Variants in MAPK6 observed in about 807,000 individuals in gnomAD.
MAPK6 encodes ERK-3.
Under a neutral mutation model 59.3 loss-of-function variants are expected in MAPK6, and 19 were observed. That is an observed-to-expected ratio of 0.32 (90% CI 0.22 to 0.47). The LOEUF (loss-of-function observed/expected upper bound fraction) is 0.47. MAPK6 is among the 20% of genes least tolerant of loss of function. The pLI is 1.00. For missense variants in MAPK6, 724 were observed against 847.9 expected (o/e 0.85, Z 1.81); for synonymous variants, 316 against 290.3 (o/e 1.09, Z -0.90).
chr15:52,016,465 A>G (rs1007400368), upstream of MAPK6, among the ~76,000 whole-genome samples: 1 of 152,188 alleles, frequency 6.6e-6, no homozygotes, highest in African/African-American at 2.4e-5. Flanking sequence ...ACTATCTGCA[A>G]TAAATATAAC....
Position 52,061,419 on chromosome 15 carries a change from G to T in MAPK6, c.986G>T (p.Ser329Ile), listed in dbSNP as rs771752371. The T allele has an allele frequency of 1.2e-6, 2 of 1,613,858 alleles. No homozygotes were observed. The highest frequency in any genetic ancestry group is 1.7e-5 in the Admixed American group (1 of 60,014). Residue 329 changes from serine (S) to isoleucine (I), a missense_variant, in exon 5 of 6, where the codon AGC becomes ATC. Ser to Ile is a moderately radical substitution (Grantham distance 142, BLOSUM62 -2). Transcript: ENST00000261845. ...TTTCCAATGGATGAGCCAATTTCAAGCCATCCTTTTCATATTGAAGATGAA... is the reference window on the plus strand; with the variant it reads ...TTTCCAATGGATGAGCCAATTTCAATCCATCCTTTTCATATTGAAGATGAA... ...YSFPMDEPIS[S>I]HPFHIEDEVD... is the part of the protein sequence containing the mutation.
intron 2 of MAPK6, among the ~76,000 whole-genome samples, chr15:52,000,073 G>A (rs937134137): frequency 6.6e-6 from 1 of 152,054 alleles, no homozygotes; most frequent in African/African-American, 2.4e-5. Context: ...CTGTAGCTGA[G>A]ACCACAAGGG....
intron 2 of MAPK6, among the ~76,000 whole-genome samples, chr15:51,990,985 G>A (rs1045308563): frequency 3.3e-5 from 5 of 151,524 alleles, no homozygotes; most frequent in South Asian, 2.1e-4. Context: ...AAAATTAGTC[G>A]GGTGTGAGGG....
intron 1 of MAPK6, among the ~76,000 whole-genome samples, chr15:52,042,451 G>A (rs1005153539): frequency 2.0e-5 from 3 of 152,124 alleles, no homozygotes; most frequent in South Asian, 2.1e-4. Context: ...CTCTTACCTC[G>A]TTAAGTGCTG....
At chr15:51,976,253 G>C (rs1223010460) in intron 1 of MAPK6, among the ~76,000 whole-genome samples, 1 of 137,068 alleles carries the variant, frequency 7.3e-6, no homozygotes, top group African/African-American at 2.7e-5. Context: ...GTGACAAAGC[G>C]AGACTCCCAT....
intron 1 of MAPK6, among the ~76,000 whole-genome samples, chr15:52,030,915 C>T (rs998817963): frequency 6.6e-6 from 1 of 151,884 alleles, no homozygotes; most frequent in Non-Finnish European, 1.5e-5. Flanking sequence ...CCTCAGCCTC[C>T]TGAGTGGCTG....
intron 2 of MAPK6, among the ~76,000 whole-genome samples, chr15:51,990,255 C>T (rs1039080394): frequency 2.0e-5 from 3 of 152,146 alleles, no homozygotes; most frequent in African/African-American, 7.2e-5. Flanking sequence ...AAAAATACAA[C>T]AAAGTAGCCT....
At chr15:52,054,082 A>G (rs1226539578) in intron 3 of MAPK6, among the ~76,000 whole-genome samples, 1 of 151,434 alleles carries the variant, frequency 6.6e-6, no homozygotes, top group African/African-American at 2.4e-5. Flanking sequence ...TAGGATTCTT[A>G]TACAGCTGGG....
At chr15:52,023,118 A>AC (rs1430641697) in intron 1 of MAPK6, among the ~76,000 whole-genome samples, 5 of 151,150 alleles carry the variant, frequency 3.3e-5, no homozygotes, top group Non-Finnish European at 5.9e-5. Context: ...AAAAAAAAAA[A>AC]AAAAAAAAAA....
intron 1 of MAPK6, 105 bp downstream of exon 1, chr15:52,019,481 C>G (rs1342517808): frequency 1.4e-5 from 2 of 147,440 alleles, no homozygotes; most frequent in African/African-American, 2.5e-5. Context: ...GCGGAGCCGG[C>G]TCCCTCCTCC....
intron 4 of MAPK6, among the ~76,000 whole-genome samples, chr15:52,059,019 A>T (rs2032094110): frequency 6.6e-6 from 1 of 152,212 alleles, no homozygotes; most frequent in Non-Finnish European, 1.5e-5. Flanking sequence ...TTTCCAGAGC[A>T]AGTAGCAAGT....
At chr15:52,033,875 G>A (rs185378572) in intron 1 of MAPK6, 1 of 150,108 alleles carries the variant, frequency 6.7e-6, no homozygotes, top group African/African-American at 2.5e-5. Flanking sequence ...ATTGTCTTCT[G>A]TTTTTCATTG....
Position 52,065,141 on chromosome 15 carries a change from C to T in MAPK6, c.*141C>T, listed in dbSNP as rs2032365599. 5 of 756,824 alleles carry T rather than the reference C, an allele frequency of 6.6e-6. No individual in the cohort carries two copies. The highest frequency in any genetic ancestry group is 9.8e-6 in the Non-Finnish European group (5 of 510,078). 46.9% of individuals were successfully genotyped at this position (756,824 alleles called of 1,614,324 possible). A position where few individuals can be genotyped will look rare whatever the true frequency, so the allele number is the denominator to read the frequency against. On this transcript the variant is annotated 3_prime_UTR_variant, in exon 6 of 6. Transcript: ENST00000261845. ...TTATGAGTTCTTGTTTTTTAAAATCCAGACTTTCTTTTTCTACATGTGAGA... is the reference window on the plus strand; with the variant it reads ...TTATGAGTTCTTGTTTTTTAAAATCTAGACTTTCTTTTTCTACATGTGAGA...
intron 1 of MAPK6, among the ~76,000 whole-genome samples, chr15:52,044,605 A>G (rs1204214417): frequency 6.6e-6 from 1 of 151,882 alleles, no homozygotes; most frequent in Non-Finnish European, 1.5e-5. Flanking sequence ...GTACTCTGCA[A>G]TTAGGCCATT....
At chr15:52,042,541 A>AG (rs1056888844) in intron 1 of MAPK6, among the ~76,000 whole-genome samples, 7 of 151,682 alleles carry the variant, frequency 4.6e-5, no homozygotes, top group South Asian at 4.2e-4. Context: ...ATAAAATTTA[A>AG]GGGGGGCAGA....
At chr15:52,011,198 G>A (rs2030047194) in intron 3 of MAPK6, 1 of 152,142 alleles carries the variant, frequency 6.6e-6, no homozygotes, top group Non-Finnish European at 1.5e-5. Context: ...CTGTAAACGA[G>A]TGTCCTTTCC....
chr15:52,055,397 C>G (rs1223756655), intron 3 of MAPK6, among the ~76,000 whole-genome samples: 5 of 152,320 alleles, frequency 3.3e-5, no homozygotes, highest in Admixed American at 6.5e-5. Flanking sequence ...CAGAGCAAGA[C>G]TTTGTCTTAG....
chr15:52,040,137 T>C (rs1416429092), intron 1 of MAPK6, among the ~76,000 whole-genome samples: 1 of 152,160 alleles, frequency 6.6e-6, no homozygotes, highest in Non-Finnish European at 1.5e-5. Context: ...TGCCCGAAAA[T>C]CTTAGTAGCT....
At chr15:52,019,942 C>G (rs1040917683) in intron 1 of MAPK6, 1 of 152,984 alleles carries the variant, frequency 6.5e-6, no homozygotes, top group African/African-American at 2.4e-5. Context: ...TCCGGCCGGG[C>G]AAAGTCTCCA....
Sources: allele counts gnomAD v4.1 joint callset (sites outside exome capture counted in the v4.1 genomes callset), GRCh38; gene constraint gnomAD v4.1.1; transcripts MANE v1.5; gene names NCBI Gene and HGNC (gene_info 2026-07-23, HGNC 2026-07-21).